THSD7A: variants seen among roughly 807,000 people sequenced by gnomAD.
The protein encoded by THSD7A is thrombospondin type 1 domain containing 7A.
THSD7A carries 96 observed loss-of-function variants against 231.3 expected under a neutral mutation model. The ratio of observed to expected loss-of-function variants is 0.41; its 90% confidence interval spans 0.35 to 0.49. The LOEUF is 0.49. THSD7A is among the 20% of genes least tolerant of loss of function. THSD7A has a pLI of 0.05. For missense variants in THSD7A, 2,290 were observed against 2,070.2 expected, an observed-to-expected ratio of 1.11 and a Z score of -2.06; for synonymous variants, 940 against 743.3, an observed-to-expected ratio of 1.26 and a Z score of -4.30.
At chr7:11,440,569 A>C (rs1262613246) in intron 13 of THSD7A, among the ~76,000 whole-genome samples, 5 of 152,026 alleles carry the variant, frequency 3.3e-5, no homozygotes, top group African/African-American at 1.2e-4. Flanking sequence ...GTTTGAATGA[A>C]GTTGGTTCTC....
chr7:11,787,354 AT>A (rs1264442448), intron 1 of THSD7A, among the ~76,000 whole-genome samples: 24 of 152,100 alleles, frequency 1.6e-4, no homozygotes, highest in African/African-American at 5.5e-4. Flanking sequence ...TGGATATAGA[AT>A]TTTTTTTAGA....
chr7:11,536,947 TAC>T (rs1788939480), intron 6 of THSD7A, among the ~76,000 whole-genome samples: 2 of 152,216 alleles, frequency 1.3e-5, no homozygotes, highest in South Asian at 2.1e-4. Context: ...TCAGTATTCA[TAC>T]AGTTTATATA....
intron 4 of THSD7A, among the ~76,000 whole-genome samples, chr7:11,548,879 C>T (rs933555375): frequency 6.6e-6 from 1 of 150,594 alleles, no homozygotes; most frequent in Non-Finnish European, 1.5e-5. Flanking sequence ...GACAAACACA[C>T]AACCAATATT....
intron 1 of THSD7A, among the ~76,000 whole-genome samples, chr7:11,768,644 T>A (rs1783104623): frequency 6.6e-6 from 1 of 152,158 alleles, no homozygotes; most frequent in South Asian, 2.1e-4. Context: ...GACAGTGAGT[T>A]CACAGTTTCA....
intron 1 of THSD7A, among the ~76,000 whole-genome samples, chr7:11,652,286 G>T (rs6947442): frequency 0.066 from 10,065 of 151,886 alleles, 392 homozygotes; most frequent in East Asian, 0.13. Flanking sequence ...TTTCTGGCAC[G>T]GGAGCAGGAC....
At chr7:11,789,355 A>G (rs1783881722) in intron 1 of THSD7A, among the ~76,000 whole-genome samples, 2 of 152,040 alleles carry the variant, frequency 1.3e-5, no homozygotes, top group African/African-American at 4.8e-5. Context: ...ATATTTTAAG[A>G]AAGGGCGTGG....
chr7:11,418,553 C>G (rs1327382708), intron 16 of THSD7A, among the ~76,000 whole-genome samples: 1 of 152,204 alleles, frequency 6.6e-6, no homozygotes, highest in Non-Finnish European at 1.5e-5. Context: ...CTTGAACTCT[C>G]AAGTCTCTCA....
intron 1 of THSD7A, among the ~76,000 whole-genome samples, chr7:11,642,455 T>C (rs906670926): frequency 1.3e-5 from 2 of 152,252 alleles, no homozygotes; most frequent in African/African-American, 4.8e-5. Flanking sequence ...TACAGATTTG[T>C]AGGATGGTGT....
intron 1 of THSD7A, among the ~76,000 whole-genome samples, chr7:11,722,500 C>A (rs1781390764): frequency 6.6e-6 from 1 of 151,878 alleles, no homozygotes; most frequent in Non-Finnish European, 1.5e-5. Context: ...ACTCATGACT[C>A]AACTGGTCCT....
chr7:11,591,805 C>A (rs1233189341), intron 3 of THSD7A, among the ~76,000 whole-genome samples: 1 of 151,924 alleles, frequency 6.6e-6, no homozygotes, highest in Non-Finnish European at 1.5e-5. Context: ...GGAAGCAAAA[C>A]CAAATAGATC....
At chr7:11,505,735 G>A (rs576745594) in intron 6 of THSD7A, among the ~76,000 whole-genome samples, 1 of 152,286 alleles carries the variant, frequency 6.6e-6, no homozygotes, top group Admixed American at 6.5e-5. Context: ...AATTTTACAT[G>A]CTGAGAAGTG....
intron 1 of THSD7A, among the ~76,000 whole-genome samples, chr7:11,677,866 C>G (rs1273427657): frequency 6.6e-6 from 1 of 152,090 alleles, no homozygotes; most frequent in Admixed American, 6.6e-5. Flanking sequence ...CTACAAAACT[C>G]TCCACCCCAA....
intron 1 of THSD7A, among the ~76,000 whole-genome samples, chr7:11,733,191 T>A (rs2355075): frequency 0.73 from 110,885 of 151,684 alleles, 40,611 homozygotes; most frequent in South Asian, 0.79. Context: ...TGTTTCCTAT[T>A]GAAGCAACTG....
At chr7:11,383,254 G>A (rs1469731687) in intron 23 of THSD7A, among the ~76,000 whole-genome samples, 1 of 151,920 alleles carries the variant, frequency 6.6e-6, no homozygotes, top group Non-Finnish European at 1.5e-5. Flanking sequence ...CTTAGTCAAT[G>A]TTACAGGTGA....
chr7:11,486,953 G>A (rs1306970036), intron 6 of THSD7A, among the ~76,000 whole-genome samples: 2 of 152,172 alleles, frequency 1.3e-5, no homozygotes, highest in Non-Finnish European at 2.9e-5. Context: ...CCCTACGAAA[G>A]AGGTTGAGAT....
intron 4 of THSD7A, among the ~76,000 whole-genome samples, chr7:11,565,111 A>G (rs969452134): frequency 6.6e-6 from 1 of 152,212 alleles, no homozygotes; most frequent in East Asian, 1.9e-4. Context: ...CTCTTCCAGC[A>G]TACCGTTATT....
At chr7:11,765,060 T>G (rs1782989544) in intron 1 of THSD7A, among the ~76,000 whole-genome samples, 1 of 151,860 alleles carries the variant, frequency 6.6e-6, no homozygotes, top group Non-Finnish European at 1.5e-5. Context: ...ATAAATCTTT[T>G]TATTAAAAGT....
intron 9 of THSD7A, 41 bp from the exon 10 acceptor site, chr7:11,462,184 A>G: frequency 6.2e-7 from 1 of 1,605,042 alleles, no homozygotes; most frequent in Non-Finnish European, 8.5e-7. Context: ...CTTTACACTG[A>G]TGAGATAATC....
intron 1 of THSD7A, among the ~76,000 whole-genome samples, chr7:11,786,224 C>T (rs188147321): frequency 4.2e-4 from 64 of 152,170 alleles, no homozygotes; most frequent in Middle Eastern, 3.4e-3. Context: ...ATCACTAACC[C>T]CTTCTTCCTT....
Sources: gnomAD v4.1 joint callset for allele counts (sites outside exome capture counted in the v4.1 genomes callset) on GRCh38, gnomAD v4.1.1 for gene constraint, MANE v1.5 for transcripts, NCBI Gene and HGNC (gene_info 2026-07-23, HGNC 2026-07-21) for gene names.